DAB1: variants seen among roughly 807,000 people sequenced by gnomAD.
DAB1 encodes the protein DAB adaptor protein 1.
Under a neutral mutation model 64.6 loss-of-function variants are expected in DAB1, and 15 were observed. The ratio of observed to expected loss-of-function variants is 0.23; its 90% CI spans 0.16 to 0.36. The LOEUF is 0.36. Ranked by LOEUF, DAB1 falls within the 10% of genes least tolerant of loss-of-function variation. DAB1 has a pLI of 1.00. For missense variants in DAB1, 596 were observed against 706.7 expected, an observed-to-expected ratio of 0.84 and a Z score of 1.78; for synonymous variants, 235 against 251.9, an observed-to-expected ratio of 0.93 and a Z score of 0.64.
chr1:57,741,470 TTCCAA>T (rs1354441668), intron 6 of DAB1, among the ~76,000 whole-genome samples: 15 of 152,182 alleles, frequency 9.9e-5, no homozygotes, highest in Admixed American at 3.3e-4. Context: ...AGCCTACCTG[TTCCAA>T]GAATATGTAC....
intron 4 of DAB1, among the ~76,000 whole-genome samples, chr1:58,242,774 G>T (rs1253018866): frequency 1.3e-5 from 2 of 152,088 alleles, no homozygotes; most frequent in Admixed American, 1.3e-4. Flanking sequence ...GGATCTGGGG[G>T]ATAGTTGAAG....
intron 3 of DAB1, among the ~76,000 whole-genome samples, chr1:58,491,263 A>C (rs181421095): frequency 1.2e-4 from 19 of 152,320 alleles, no homozygotes; most frequent in Admixed American, 1.1e-3. Context: ...TCCTGAAGGA[A>C]GCACTAAACA....
chr1:57,233,255 CTTTTTTT>C (rs1186221366), intron 2 of DAB1, among the ~76,000 whole-genome samples: 12 of 60,808 alleles, frequency 2.0e-4, no homozygotes, highest in Admixed American at 1.3e-3. Flanking sequence ...TGCTCCGATT[CTTTTTTT>C]TTTTTTTTTT....
At chr1:58,337,033 AG>A (rs1483845202) in intron 4 of DAB1, among the ~76,000 whole-genome samples, 1 of 152,226 alleles carries the variant, frequency 6.6e-6, no homozygotes, top group Non-Finnish European at 1.5e-5. Context: ...CTGTAATCCC[AG>A]CACTTTGGGA....
intron 5 of DAB1, among the ~76,000 whole-genome samples, chr1:57,904,500 C>A (rs1014830685): frequency 1.3e-5 from 2 of 151,960 alleles, no homozygotes; most frequent in Non-Finnish European, 2.9e-5. Context: ...AGCAAACAAA[C>A]CAACAAGAAA....
chr1:58,386,975 G>A (rs778036564), intron 3 of DAB1, among the ~76,000 whole-genome samples: 7 of 152,130 alleles, frequency 4.6e-5, no homozygotes, highest in East Asian at 3.9e-4. Context: ...TAGGAGAATC[G>A]CTTGAATCCG....
chr1:57,665,868 T>TGTGTG (rs1646441685), intron 6 of DAB1, among the ~76,000 whole-genome samples: 6 of 150,976 alleles, frequency 4.0e-5, no homozygotes, highest in Non-Finnish European at 7.4e-5. Context: ...TGTGTGTGTG[T>TGTGTG]GTGTGTGTGT....
chr1:58,404,307 G>A (rs1318855417), intron 3 of DAB1, among the ~76,000 whole-genome samples: 2 of 152,210 alleles, frequency 1.3e-5, no homozygotes, highest in African/African-American at 4.8e-5. Flanking sequence ...TGTGCCTCGA[G>A]GATCAGCTTT....
chr1:58,291,221 G>A (rs138377477), intron 4 of DAB1, among the ~76,000 whole-genome samples: 23 of 152,304 alleles, frequency 1.5e-4, no homozygotes, highest in East Asian at 1.2e-3. Context: ...CAAGCCTTGC[G>A]GCTGCTCATA....
intron 3 of DAB1, among the ~76,000 whole-genome samples, chr1:58,462,164 G>A (rs1021034039): frequency 2.8e-5 from 4 of 142,620 alleles, no homozygotes; most frequent in Non-Finnish European, 4.5e-5. Flanking sequence ...CTGTCGCCCA[G>A]GCCGGACTGC....
At chr1:57,300,400 T>C (rs138387808) in intron 1 of DAB1, among the ~76,000 whole-genome samples, 122 of 152,178 alleles carry the variant, frequency 8.0e-4, no homozygotes, top group African/African-American at 2.9e-3. Context: ...TGCTACAGGG[T>C]GGAGCAAGGC....
intron 1 of DAB1, chr1:58,538,766 A>G (rs41296155): frequency 0.096 from 69,201 of 722,172 alleles, 3,956 homozygotes; most frequent in African/African-American, 0.18. Flanking sequence ...AGTTAATATA[A>G]AAGTTTTTAT....
At chr1:57,728,284 A>G (rs945289036) in intron 6 of DAB1, among the ~76,000 whole-genome samples, 11 of 152,304 alleles carry the variant, frequency 7.2e-5, no homozygotes, top group African/African-American at 2.4e-4. Flanking sequence ...AATATTGGAC[A>G]TGAAGTATAG....
chr1:58,425,412 C>G (rs1266884868), intron 3 of DAB1, among the ~76,000 whole-genome samples: 2 of 152,208 alleles, frequency 1.3e-5, no homozygotes. Flanking sequence ...TGTGCCAGTG[C>G]CTTCTCTTAG....
intron 3 of DAB1, among the ~76,000 whole-genome samples, chr1:58,384,461 T>C (rs189598779): frequency 2.0e-5 from 3 of 152,266 alleles, no homozygotes; most frequent in Non-Finnish European, 2.9e-5. Flanking sequence ...TAGCCTATAG[T>C]TAAAAATAAA....
At chr1:58,117,911 T>A (rs974702059) in intron 5 of DAB1, among the ~76,000 whole-genome samples, 7 of 151,484 alleles carry the variant, frequency 4.6e-5, no homozygotes, top group African/African-American at 1.7e-4. Context: ...TTGCTCTTTC[T>A]TGGGGCGGGG....
intron 6 of DAB1, among the ~76,000 whole-genome samples, chr1:57,737,162 C>A (rs114444201): frequency 3.3e-5 from 5 of 152,140 alleles, no homozygotes; most frequent in African/African-American, 1.2e-4. Context: ...GGCTAACCAC[C>A]CAACCCACCT....
At position 58,436,442 on chromosome 1, in the gene DAB1, T is replaced by C. The variant is rs898040893; in HGVS notation, n.257+69618A>G. 3.9e-5 allele frequency among the ~76,000 whole-genome samples: 6 copies of C among 152,174 alleles called. No homozygotes were observed. In the East Asian group the frequency reaches 9.6e-4, roughly 24 times the overall value. Reference sequence around the variant, plus strand: ...AGCCAACTTCACCCAAGATTCCCAGTTGGAACAACCAGAAGTTCTGGTCAC... The same window carrying C: ...AGCCAACTTCACCCAAGATTCCCAGCTGGAACAACCAGAAGTTCTGGTCAC... On this transcript the variant is annotated intron_variant and non_coding_transcript_variant, in intron 3 of 20. Coordinates refer to the DAB1 transcript ENST00000485760.
intron 5 of DAB1, among the ~76,000 whole-genome samples, chr1:58,061,563 C>T (rs1424865717): frequency 6.6e-6 from 1 of 152,158 alleles, no homozygotes; most frequent in Non-Finnish European, 1.5e-5. Flanking sequence ...TGGATTAGAA[C>T]CACCCCCCAA....
Sources: allele counts gnomAD v4.1 joint callset (sites outside exome capture counted in the v4.1 genomes callset), GRCh38; gene constraint gnomAD v4.1.1; transcripts MANE v1.5; gene names NCBI Gene and HGNC (gene_info 2026-07-23, HGNC 2026-07-21).